NSUN6: variants seen among roughly 807,000 people sequenced by gnomAD.
NSUN6 encodes tRNA (cytosine(72)-C(5))-methyltransferase NSUN6.
NSUN6 carries 64 observed loss-of-function variants against 58.0 expected under a neutral mutation model. The ratio of observed to expected loss-of-function variants is 1.10; its 90% CI spans 0.90 to 1.36. NSUN6 has a LOEUF of 1.36. NSUN6 is among the 40% of genes most tolerant of loss of function. The probability of loss-of-function intolerance (pLI) is 0.00; values close to 1 mark genes in which losing one functional copy is unlikely to be tolerated. For missense variants in NSUN6, 701 were observed against 550.1 expected (o/e 1.27, Z -2.74); for synonymous variants, 231 against 193.9 (o/e 1.19, Z -1.59).
rs199588247 is a variant in NSUN6, at chr10:18,586,046, G to A, written c.825C>T (p.Ile275=). ...GCCCTAACAATAAGGCATTCTGTTT[G>A]ATTTTTTCTACTTTGTTGAAGATTT... ...LDKIFNKVEK[I]KQNALLLGLN... Residue 275 remains isoleucine (I), a synonymous_variant, in exon 8 of 11, where the codon ATC becomes ATT. Coordinates refer to ENST00000377304, the MANE Select transcript of NSUN6 (RefSeq NM_182543.5). The A allele has an allele frequency of 2.5e-6, 4 of 1,608,534 alleles. No individual in the cohort carries two copies. Among genetic ancestry groups the A allele is most frequent in the East Asian group, 2.2e-5 (1 of 44,638 alleles).
intron 8 of NSUN6, among the ~76,000 whole-genome samples, chr10:18,559,408 G>A (rs147646317): frequency 5.6e-4 from 83 of 148,318 alleles, no homozygotes; most frequent in Non-Finnish European, 8.9e-4. Flanking sequence ...ATGGGGAATG[G>A]AATGGGGAAT....
In NSUN6 at chr10:18,580,871, C is replaced by T. The variant is rs551389489; in HGVS notation, c.922+5078G>A. On this transcript the variant is annotated intron_variant, in intron 8 of 10. Coordinates refer to ENST00000377304, the MANE Select transcript of NSUN6 (RefSeq NM_182543.5). ...TCTTGCCCCCTCAGGAGAAAGAGTT[C>T]GACCAAGGGGCACAAGGCAGAGTGA... is the stretch of plus-strand genomic sequence containing the variant. 6.6e-5 allele frequency among the ~76,000 whole-genome samples: 10 copies of T among 152,264 alleles called. No individual in the cohort carries two copies. The South Asian group carries it at 1.2e-3, about 19-fold the overall frequency.
chr10:18,639,076 G>A (rs1337926301), intron 3 of NSUN6, among the ~76,000 whole-genome samples: 3 of 151,574 alleles, frequency 2.0e-5, no homozygotes, highest in Admixed American at 6.6e-5. Context: ...GCAACACGGC[G>A]AGACCTCGTC....
intron 6 of NSUN6, among the ~76,000 whole-genome samples, chr10:18,597,649 C>T (rs1387020025): frequency 6.6e-6 from 1 of 152,128 alleles, no homozygotes; most frequent in African/African-American, 2.4e-5. Context: ...GCCTGTAATC[C>T]CAGCTACTCA....
At chr10:18,556,325 G>GAATA (rs377362445) in intron 8 of NSUN6, among the ~76,000 whole-genome samples, 1 of 151,432 alleles carries the variant, frequency 6.6e-6, no homozygotes, top group Non-Finnish European at 1.5e-5. Context: ...GAATGGAATG[G>GAATA]GGAATGTAAT....
At chr10:18,602,329 C>T (rs549552095) in intron 6 of NSUN6, among the ~76,000 whole-genome samples, 10 of 151,584 alleles carry the variant, frequency 6.6e-5, no homozygotes, top group African/African-American at 9.7e-5. Flanking sequence ...CTGCAAGCTC[C>T]GTCTCCCAGG....
intron 3 of NSUN6, among the ~76,000 whole-genome samples, chr10:18,633,506 T>C (rs1353149434): frequency 1.3e-5 from 2 of 152,126 alleles, no homozygotes; most frequent in Non-Finnish European, 2.9e-5. Flanking sequence ...ATCCCGATGA[T>C]GAGAAATAAC....
intron 3 of NSUN6, among the ~76,000 whole-genome samples, chr10:18,632,498 C>G (rs1174223091): frequency 1.3e-5 from 2 of 149,310 alleles, no homozygotes; most frequent in African/African-American, 4.9e-5. Flanking sequence ...ATTTTCACAA[C>G]CTACTCATCT....
chr10:18,553,019 C>T (rs1326503288), intron 8 of NSUN6, among the ~76,000 whole-genome samples: 1 of 151,012 alleles, frequency 6.6e-6, no homozygotes, highest in East Asian at 2.0e-4. Flanking sequence ...AATCTATTCT[C>T]CATTTCATTC....
chr10:18,653,620 ACTTCAGC>A (rs1227952837), upstream of NSUN6, among the ~76,000 whole-genome samples: 1 of 152,038 alleles, frequency 6.6e-6, no homozygotes, highest in Non-Finnish European at 1.5e-5. Flanking sequence ...TGATCCACCC[ACTTCAGC>A]CTCCCAAAGT....
intron 2 of NSUN6, among the ~76,000 whole-genome samples, chr10:18,643,930 C>A (rs2059462829): frequency 6.6e-6 from 1 of 152,094 alleles, no homozygotes; most frequent in Non-Finnish European, 1.5e-5. Context: ...CATGTACATA[C>A]CCTTCATAAC....
intron 3 of NSUN6, among the ~76,000 whole-genome samples, chr10:18,626,110 C>T (rs533578859): frequency 5.3e-5 from 8 of 151,910 alleles, no homozygotes; most frequent in Admixed American, 2.6e-4. Context: ...ACTGTACTCA[C>T]CAATAAAGAC....
chr10:18,568,020 CCATTCTATTCTCCATTG>C (rs1190042203), intron 8 of NSUN6, among the ~76,000 whole-genome samples: 10 of 150,762 alleles, frequency 6.6e-5, no homozygotes, highest in African/African-American at 2.2e-4. Context: ...CCACTGCATG[CCATTCTATTCTCCATTG>C]CATTCTATTC....
At chr10:18,655,195 CA>C (rs2059764256), upstream of NSUN6, 3 of 967,968 alleles carry the variant, frequency 3.1e-6, no homozygotes, top group Non-Finnish European at 2.5e-6. Flanking sequence ...GAACAAACAA[CA>C]TAGATTCTTA....
intron 3 of NSUN6, among the ~76,000 whole-genome samples, chr10:18,620,111 G>A (rs1230421522): frequency 1.0e-4 from 15 of 148,224 alleles, no homozygotes; most frequent in East Asian, 2.0e-4. Context: ...TTTTTGAGAC[G>A]GAGTCTAGCT....
intron 6 of NSUN6, among the ~76,000 whole-genome samples, chr10:18,604,255 G>A (rs1368277018): frequency 6.6e-6 from 1 of 152,112 alleles, no homozygotes; most frequent in East Asian, 1.9e-4. Flanking sequence ...GAAACCTTAT[G>A]ATCACAAAGT....
intron 8 of NSUN6, among the ~76,000 whole-genome samples, chr10:18,557,585 T>A (rs2055136903): frequency 7.1e-6 from 1 of 141,416 alleles, no homozygotes. Flanking sequence ...ATGAATGGAA[T>A]GGAGAATGGA....
chr10:18,567,566 C>T (rs895535436), intron 8 of NSUN6, among the ~76,000 whole-genome samples: 7 of 150,238 alleles, frequency 4.7e-5, no homozygotes, highest in South Asian at 2.1e-4. Context: ...TTCTCCATTC[C>T]GTTCCATTCC....
At chr10:18,658,654 C>G, upstream of NSUN6, 8 of 983,188 alleles carry the variant, frequency 8.1e-6, no homozygotes, top group Non-Finnish European at 9.7e-6. Flanking sequence ...TAACTGAACT[C>G]TGTGGCTCCA....
Sources: allele counts gnomAD v4.1 joint callset (sites outside exome capture counted in the v4.1 genomes callset), GRCh38; gene constraint gnomAD v4.1.1; transcripts MANE v1.5; gene names NCBI Gene and HGNC (gene_info 2026-07-23, HGNC 2026-07-21).